Variants in PLCE1 observed in about 807,000 individuals in gnomAD.
PLCE1 encodes the protein phospholipase C epsilon 1.
Under a neutral mutation model 242.8 loss-of-function variants are expected in PLCE1, and 119 were observed. The ratio of observed to expected loss-of-function variants is 0.49; its 90% CI spans 0.42 to 0.57. The LOEUF is 0.57. PLCE1 is among the 20% of genes least tolerant of loss of function. The probability of loss-of-function intolerance (pLI) is 0.00; values close to 1 mark genes in which losing one functional copy is unlikely to be tolerated. For missense variants in PLCE1, 2,441 were observed against 2,788.8 expected (o/e 0.88, Z 2.81); for synonymous variants, 945 against 1,017.4 (o/e 0.93, Z 1.35).
chr10:94,151,575 G>A (rs1248402282), intron 3 of PLCE1, among the ~76,000 whole-genome samples: 2 of 152,174 alleles, frequency 1.3e-5, no homozygotes, highest in African/African-American at 4.8e-5. Context: ...TTATCGGGGT[G>A]AGAGGTCAAA....
intron 6 of PLCE1, 64 bp from the exon 7 acceptor site, chr10:94,235,851 C>A: frequency 1.3e-6 from 2 of 1,520,776 alleles, no homozygotes; most frequent in South Asian, 1.1e-5. Context: ...TTTCATTTCC[C>A]TAGCCAAGTA....
At chr10:94,303,510 TTA>T (rs1364001812) in intron 24 of PLCE1, among the ~76,000 whole-genome samples, 1 of 152,240 alleles carries the variant, frequency 6.6e-6, no homozygotes, top group Non-Finnish European at 1.5e-5. Flanking sequence ...TCAGATGTGA[TTA>T]TTTTTTTTCT....
At chr10:94,093,965 G>T (rs1487511567) in intron 2 of PLCE1, among the ~76,000 whole-genome samples, 4 of 113,106 alleles carry the variant, frequency 3.5e-5, no homozygotes, top group Admixed American at 1.9e-4. Flanking sequence ...TTTTTGAGAC[G>T]GAGTCTCGCT....
intron 7 of PLCE1, among the ~76,000 whole-genome samples, chr10:94,242,137 A>G (rs1265513018): frequency 6.6e-6 from 1 of 152,178 alleles, no homozygotes; most frequent in Non-Finnish European, 1.5e-5. Context: ...GGACATAAGT[A>G]TTGGTTTTCC....
At chr10:94,049,151 A>G (rs2043691961) in intron 2 of PLCE1, among the ~76,000 whole-genome samples, 1 of 152,038 alleles carries the variant, frequency 6.6e-6, no homozygotes, top group South Asian at 2.1e-4. Context: ...TTTTTGTAAG[A>G]TTTTGAATAA....
At chr10:94,315,877 GCTA>G (rs1454050290) in intron 28 of PLCE1, among the ~76,000 whole-genome samples, 5 of 151,544 alleles carry the variant, frequency 3.3e-5, no homozygotes, top group Non-Finnish European at 4.4e-5. Flanking sequence ...AATTAAGATT[GCTA>G]CTATTTCCAT....
At chr10:94,260,189 TTCAA>T (rs772140916) in intron 13 of PLCE1, among the ~76,000 whole-genome samples, 12 of 152,180 alleles carry the variant, frequency 7.9e-5, no homozygotes, top group Non-Finnish European at 1.8e-4. Flanking sequence ...CAGTTGTGTG[TTCAA>T]TCACAGGGCA....
chr10:94,166,915 C>T (rs1213281769), intron 3 of PLCE1, among the ~76,000 whole-genome samples: 1 of 152,050 alleles, frequency 6.6e-6, no homozygotes, highest in East Asian at 1.9e-4. Flanking sequence ...TGATTATGAC[C>T]AAGCTACGGG....
At chr10:93,995,342 T>TCTAA (rs1360575041) in intron 1 of PLCE1, among the ~76,000 whole-genome samples, 2 of 152,220 alleles carry the variant, frequency 1.3e-5, no homozygotes, top group Non-Finnish European at 2.9e-5. Context: ...CACTCTAAAG[T>TCTAA]CTAACCATCC....
At chr10:94,102,690 C>T (rs1414690047) in intron 2 of PLCE1, among the ~76,000 whole-genome samples, 1 of 152,206 alleles carries the variant, frequency 6.6e-6, no homozygotes, top group Non-Finnish European at 1.5e-5. Flanking sequence ...TCTCCCATGG[C>T]TATCCTGTCT....
At position 94,255,055 on chromosome 10, in the gene PLCE1, G is replaced by T; in HGVS notation, c.3554+6G>T. Reference sequence around the variant, plus strand: ...TCAAACAAGAGCCCATCCAGGTGGGGCCTTAACATGATAAAACAGAAGGAC... The same window carrying T: ...TCAAACAAGAGCCCATCCAGGTGGGTCCTTAACATGATAAAACAGAAGGAC... On this transcript the variant is annotated splice_donor_region_variant and intron_variant, in intron 11 of 32. Coordinates refer to ENST00000371380, the MANE Select transcript of PLCE1 (RefSeq NM_016341.4). 1 of 1,613,842 alleles carries T rather than the reference G, an allele frequency of 6.2e-7. No individual in the cohort carries two copies.
At chr10:94,326,775 T>C (rs1014505349) in intron 32 of PLCE1, among the ~76,000 whole-genome samples, 2 of 152,242 alleles carry the variant, frequency 1.3e-5, no homozygotes, top group African/African-American at 4.8e-5. Context: ...ATTTATTTTT[T>C]CTGACCAATG....
chr10:93,995,942 T>C (rs2060810525), intron 1 of PLCE1, among the ~76,000 whole-genome samples: 2 of 152,252 alleles, frequency 1.3e-5, no homozygotes, highest in Admixed American at 6.5e-5. Flanking sequence ...TTTTGTTGTA[T>C]ACTTTAAAAA....
chr10:94,130,565 A>G (rs928930414), intron 2 of PLCE1, among the ~76,000 whole-genome samples: 1 of 152,190 alleles, frequency 6.6e-6, no homozygotes, highest in Non-Finnish European at 1.5e-5. Flanking sequence ...TATCTGGTGA[A>G]GGTCGAGTCA....
chr10:94,121,074 A>T (rs994865748), intron 2 of PLCE1: 1 of 152,132 alleles, frequency 6.6e-6, no homozygotes, highest in Non-Finnish European at 1.5e-5. Context: ...AGGATTGATA[A>T]CCTCCCTTTT....
chr10:94,212,352 G>A (rs558346450), intron 4 of PLCE1, among the ~76,000 whole-genome samples: 113 of 152,308 alleles, frequency 7.4e-4, no homozygotes, highest in African/African-American at 2.5e-3. Context: ...CGCCTCCCGG[G>A]TTCACGCCAT....
intron 3 of PLCE1, among the ~76,000 whole-genome samples, chr10:94,147,049 T>C (rs549397223): frequency 2.0e-5 from 3 of 152,286 alleles, no homozygotes; most frequent in Admixed American, 2.0e-4. Flanking sequence ...ACGCATAATG[T>C]AGAGAAACGC....
At position 94,252,480 on chromosome 10, in the gene PLCE1, G is replaced by A. The variant is rs754664492; in HGVS notation, c.3261G>A (p.Lys1087=). The A allele has an allele frequency of 1.9e-6, 3 of 1,613,488 alleles. No homozygotes were observed. The highest frequency in any genetic ancestry group is 2.5e-6 in the Non-Finnish European group (3 of 1,179,806). Residue 1087 remains lysine, a synonymous_variant, in exon 9 of 33, where the codon AAG becomes AAA. Transcript: ENST00000371380. ...TGGGCATAAGCACTACCAAGAAAAA[G>A]AAGAAAATCCTCATGAGGGTAGAGT... ...NTLGISTTKK[K]KKILMRGESG...
At chr10:94,094,752 C>G (rs1313305307) in intron 2 of PLCE1, 1 of 152,144 alleles carries the variant, frequency 6.6e-6, no homozygotes, top group South Asian at 2.1e-4. Flanking sequence ...TGACAGCATG[C>G]TTTCAGAGGC....
Sources: allele counts gnomAD v4.1 joint callset (sites outside exome capture counted in the v4.1 genomes callset), GRCh38; gene constraint gnomAD v4.1.1; transcripts MANE v1.5; gene names NCBI Gene and HGNC (gene_info 2026-07-23, HGNC 2026-07-21).